The following PCDHA4 variants were observed in gnomAD, a reference collection of about 807,000 sequenced individuals.
The protein encoded by PCDHA4 is protocadherin alpha 4, also known as protocadherin alpha-4.
A neutral mutation model predicts 61.4 loss-of-function variants in PCDHA4; 49 were observed. The observed-to-expected ratio is 0.80, with a 90% confidence interval of 0.63 to 1.01. PCDHA4 has a LOEUF of 1.01. PCDHA4 is among the 50% of genes least tolerant of loss of function. The probability of loss-of-function intolerance (pLI) is 0.00; values close to 1 mark genes in which losing one functional copy is unlikely to be tolerated. For missense variants in PCDHA4, 1,254 were observed against 1,235.8 expected, an observed-to-expected ratio of 1.01 and a Z score of -0.22; for synonymous variants, 590 against 550.3, an observed-to-expected ratio of 1.07 and a Z score of -1.01.
chr5:140,856,558 A>T lies in PCDHA4; in HGVS notation c.2385+46986A>T, dbSNP rs372031038. 2.5e-6 allele frequency: 4 copies of T among 1,598,086 alleles called. 1 individual carries two copies. The East Asian group carries it at 8.9e-5, about 36-fold the overall frequency. ...GAGAGAACGCATTGCTTACTTACAA[A>T]CTCAGTCCAAATGAGTATTTTGTTC... is the stretch of plus-strand genomic sequence containing the variant. On this transcript the variant is annotated intron_variant, in intron 1 of 3. Coordinates refer to ENST00000530339, the MANE Select transcript of PCDHA4 (RefSeq NM_018907.4).
At chr5:140,926,840 C>T (rs1427760232) in intron 1 of PCDHA4, 4 of 1,514,378 alleles carry the variant, frequency 2.6e-6, no homozygotes, top group South Asian at 2.7e-5. Flanking sequence ...GAGCATGGTC[C>T]TGGGTCACCG....
intron 1 of PCDHA4, among the ~76,000 whole-genome samples, chr5:140,910,901 C>T (rs1433262630): frequency 6.6e-6 from 1 of 152,142 alleles, no homozygotes; most frequent in African/African-American, 2.4e-5. Context: ...CTATGCCTGT[C>T]CTCCAGATTT....
At chr5:140,969,139 C>T (rs1407003944) in intron 1 of PCDHA4, 5 of 1,614,064 alleles carry the variant, frequency 3.1e-6, no homozygotes, top group Non-Finnish European at 4.2e-6. Context: ...CCAAGACCTA[C>T]TGCTACAAGG....
chr5:140,857,611 G>C, intron 1 of PCDHA4: 2 of 1,596,436 alleles, frequency 1.3e-6, no homozygotes, highest in Non-Finnish European at 1.7e-6. Flanking sequence ...CGCTGCAGCC[G>C]CTGGACCACG....
At chr5:140,926,879 C>G in intron 1 of PCDHA4, 1 of 1,534,480 alleles carries the variant, frequency 6.5e-7, no homozygotes, top group Non-Finnish European at 8.8e-7. Flanking sequence ...GGAACGTGGA[C>G]GCCTAGAGGG....
intron 1 of PCDHA4, chr5:140,854,017 C>T (rs2042943793): frequency 5.7e-6 from 2 of 349,696 alleles, no homozygotes; most frequent in South Asian, 2.3e-4. Flanking sequence ...AAAAAATTAG[C>T]CGGGCATGGT....
intron 1 of PCDHA4, chr5:140,883,717 C>A (rs926863988): frequency 6.2e-7 from 1 of 1,613,614 alleles, no homozygotes. Context: ...AGGACGCGGA[C>A]GCACAGGAGA....
At chr5:140,877,894 G>C (rs1186724493) in intron 1 of PCDHA4, 21 of 1,447,492 alleles carry the variant, frequency 1.5e-5, no homozygotes, top group African/African-American at 2.9e-5. Flanking sequence ...CTTCCGTTTA[G>C]GTTATAACTA....
intron 1 of PCDHA4, chr5:140,834,259 A>T: frequency 4.2e-6 from 4 of 957,528 alleles, no homozygotes; most frequent in Non-Finnish European, 6.3e-6. Context: ...AAGACGCTCC[A>T]CTCTCTTTCA....
intron 1 of PCDHA4, among the ~76,000 whole-genome samples, chr5:140,938,877 ACACACACACACACAGATGCG>A (rs1350432569): frequency 6.6e-6 from 1 of 150,854 alleles, no homozygotes; most frequent in Non-Finnish European, 1.5e-5. Flanking sequence ...TTAAGAAGCA[ACACACACACACACAGATGCG>A]CACACACACA....
At position 140,974,381 on chromosome 5, in the gene PCDHA4, G is replaced by A. The variant is rs782006620; in HGVS notation, c.2386-4568G>A. 3.3e-5 allele frequency among the ~76,000 whole-genome samples: 5 copies of A among 152,272 alleles called. No homozygotes were observed. In the East Asian group the frequency reaches 7.7e-4, roughly 23 times the overall value. On this transcript the variant is annotated intron_variant, in intron 1 of 3. Transcript: ENST00000530339. ...AGACCTAGCACTTTCTGTTGTACTG[G>A]AACCCATTAGGTATGTTCTAAAGTT...
intron 1 of PCDHA4, chr5:140,841,579 G>T: frequency 6.2e-7 from 1 of 1,614,044 alleles, no homozygotes; most frequent in South Asian, 1.1e-5. Context: ...TTTTGTTTGT[G>T]AATTCTCGGA....
Position 140,809,309 on chromosome 5 carries a change from T to A in PCDHA4, c.2122T>A (p.Ser708Thr). 6.2e-7 allele frequency: 1 copy of A among 1,614,110 alleles called. No homozygotes were observed. Among genetic ancestry groups the A allele is most frequent in the Non-Finnish European group, 8.5e-7 (1 of 1,179,938 alleles). ...CCTGATCATTGCCATCTGCGCGGTGTCCAGCCTTTTGGTGCTCACGCTGCT... is the reference window on the plus strand; with the variant it reads ...CCTGATCATTGCCATCTGCGCGGTGACCAGCCTTTTGGTGCTCACGCTGCT... ...VYLIIAICAV[S>T]SLLVLTLLLY... The change falls in exon 1 of 4, where the codon TCC (serine) becomes ACC (threonine). Residue 708 changes from serine to threonine, a missense_variant. Transcript: ENST00000530339.
Position 140,857,729 on chromosome 5 carries a change from G to T in PCDHA4, c.2385+48157G>T, listed in dbSNP as rs782508750. 3 of 1,597,292 alleles carry T rather than the reference G, an allele frequency of 1.9e-6. No homozygotes were observed. In the East Asian group the frequency reaches 6.7e-5, roughly 36 times the overall value. On this transcript the variant is annotated intron_variant, in intron 1 of 3. Coordinates refer to ENST00000530339, the MANE Select transcript of PCDHA4 (RefSeq NM_018907.4). ...GTTCGTGCTGGACGAGAACGACAACGCTCCCGCGCTGCTGGCGTCTCCCGC... is the reference window on the plus strand; with the variant it reads ...GTTCGTGCTGGACGAGAACGACAACTCTCCCGCGCTGCTGGCGTCTCCCGC...
chr5:140,850,917 T>C, intron 1 of PCDHA4: 1 of 1,530,140 alleles, frequency 6.5e-7, no homozygotes. Flanking sequence ...TTTATTTATT[T>C]ATATAATTTT....
At position 140,808,060 on chromosome 5, in the gene PCDHA4, C is replaced by T; in HGVS notation, c.873C>T (p.Ser291=). The change falls in exon 1 of 4, where the codon TCC becomes TCT. Residue 291 remains serine (S), a synonymous_variant. Coordinates refer to ENST00000530339, the MANE Select transcript of PCDHA4 (RefSeq NM_018907.4). ...ATGATATTTCGCCAAATGTGAAATC[C>T]AAGTTTCACATAGATCCAATTACTG... The part of the protein sequence containing the change: ...FSNDISPNVK[S]KFHIDPITGQ... 1.9e-6 allele frequency: 3 copies of T among 1,613,672 alleles called. No individual in the cohort carries two copies. The highest frequency in any genetic ancestry group is 2.5e-6 in the Non-Finnish European group (3 of 1,179,690).
At chr5:140,829,915 G>T in intron 1 of PCDHA4, 1 of 1,614,008 alleles carries the variant, frequency 6.2e-7, no homozygotes, top group Middle Eastern at 1.7e-4. Flanking sequence ...CGTGGCTTTC[G>T]TATGAGCTGC....
chr5:140,966,906 C>A, intron 1 of PCDHA4: 1 of 1,600,938 alleles, frequency 6.2e-7, no homozygotes, highest in African/African-American at 1.3e-5. Flanking sequence ...CTGCGATACT[C>A]TGTGCCAGAG....
At chr5:140,977,619 C>T (rs1289978944) in intron 1 of PCDHA4, among the ~76,000 whole-genome samples, 1 of 152,240 alleles carries the variant, frequency 6.6e-6, no homozygotes, top group African/African-American at 2.4e-5. Context: ...TAAAGTATCC[C>T]AGAGTTGTAA....
Sources: allele counts gnomAD v4.1 joint callset (sites outside exome capture counted in the v4.1 genomes callset), GRCh38; gene constraint gnomAD v4.1.1; transcripts MANE v1.5; gene names NCBI Gene and HGNC (gene_info 2026-07-23, HGNC 2026-07-21).